The following ST7 variants were observed in gnomAD, a reference collection of about 807,000 sequenced individuals.
ST7 encodes suppression of tumorigenicity 7, also known as suppressor of tumorigenicity 7 protein.
A neutral mutation model predicts 78.7 loss-of-function variants in ST7; 28 were observed. That is an observed-to-expected ratio of 0.36 (90% CI 0.26 to 0.49). ST7 has a LOEUF of 0.49. Among genes scored for constraint, ST7 ranks in the 20% least tolerant of loss-of-function variants. The probability of loss-of-function intolerance (pLI) is 0.99; values close to 1 mark genes in which losing one functional copy is unlikely to be tolerated. For missense variants in ST7, 418 were observed against 696.0 expected, an observed-to-expected ratio of 0.60 and a Z score of 4.49; for synonymous variants, 247 against 249.6, an observed-to-expected ratio of 0.99 and a Z score of 0.10.
At chr7:117,102,254 C>T (rs1428879852) in intron 2 of ST7, among the ~76,000 whole-genome samples, 2 of 152,204 alleles carry the variant, frequency 1.3e-5, no homozygotes, top group African/African-American at 2.4e-5. Context: ...TTGGTCTTCA[C>T]ATTTGTCGGG....
intron 2 of ST7, among the ~76,000 whole-genome samples, chr7:117,117,143 C>T (rs531999321): frequency 1.9e-4 from 29 of 152,144 alleles, no homozygotes; most frequent in Non-Finnish European, 3.7e-4. Context: ...GTCATTGTAA[C>T]TTGATGGGTA....
intron 1 of ST7, among the ~76,000 whole-genome samples, chr7:117,059,939 C>T (rs1054123871): frequency 2.0e-5 from 3 of 152,008 alleles, no homozygotes; most frequent in Admixed American, 1.3e-4. Flanking sequence ...ACCAAGATCG[C>T]ACTACCCCAC....
chr7:117,009,251 T>G (rs1253954296), intron 1 of ST7, among the ~76,000 whole-genome samples: 3 of 28,578 alleles, frequency 1.0e-4, no homozygotes, highest in African/African-American at 1.4e-4. Flanking sequence ...TCTCCACTTT[T>G]TTTTTGTTTT....
At chr7:117,068,091 C>T (rs1798738562) in intron 1 of ST7, among the ~76,000 whole-genome samples, 1 of 152,106 alleles carries the variant, frequency 6.6e-6, no homozygotes, top group South Asian at 2.1e-4. Flanking sequence ...CTCTGGAAAC[C>T]TCAGTTATGC....
chr7:117,014,049 A>G (rs1795491271), intron 1 of ST7, among the ~76,000 whole-genome samples: 2 of 152,096 alleles, frequency 1.3e-5, no homozygotes, highest in South Asian at 4.1e-4. Flanking sequence ...CAAACACCCC[A>G]CTACTCCAGC....
At chr7:117,075,543 A>G (rs1050845190) in intron 1 of ST7, among the ~76,000 whole-genome samples, 5 of 152,226 alleles carry the variant, frequency 3.3e-5, no homozygotes, top group Admixed American at 2.6e-4. Flanking sequence ...GATGTCAGGA[A>G]GAAGTGAGAG....
At chr7:117,035,705 TC>T (rs1563030554) in intron 1 of ST7, among the ~76,000 whole-genome samples, 1 of 152,220 alleles carries the variant, frequency 6.6e-6, no homozygotes, top group Non-Finnish European at 1.5e-5. Flanking sequence ...TTTGGAATTT[TC>T]TCTACCTCAC....
intron 1 of ST7, among the ~76,000 whole-genome samples, chr7:117,063,561 T>C (rs946555669): frequency 7.8e-4 from 118 of 152,122 alleles, no homozygotes; most frequent in African/African-American, 2.8e-3. Flanking sequence ...ATCCAAAAAT[T>C]AGCTGGGTGT....
intron 13 of ST7, among the ~76,000 whole-genome samples, chr7:117,212,335 C>T (rs898979676): frequency 6.6e-6 from 1 of 152,188 alleles, no homozygotes; most frequent in Non-Finnish European, 1.5e-5. Flanking sequence ...CCTGTGGCCA[C>T]TGTTGGGGAG....
intron 1 of ST7, chr7:117,022,849 GC>G (rs1795992369): frequency 6.6e-6 from 1 of 152,100 alleles, no homozygotes; most frequent in Non-Finnish European, 1.5e-5. Flanking sequence ...GCAGTAAAAT[GC>G]TTAAGTCTAG....
At chr7:117,107,709 G>A (rs1802093786) in intron 2 of ST7, among the ~76,000 whole-genome samples, 1 of 149,850 alleles carries the variant, frequency 6.7e-6, no homozygotes, top group South Asian at 2.1e-4. Flanking sequence ...TGCCTCCTGG[G>A]TTCAAGCAAT....
intron 1 of ST7, among the ~76,000 whole-genome samples, chr7:117,046,141 C>T (rs969851645): frequency 1.3e-5 from 2 of 152,128 alleles, no homozygotes; most frequent in African/African-American, 4.8e-5. Context: ...AAGAGTCAGA[C>T]CCATATCTGT....
intron 15 of ST7, among the ~76,000 whole-genome samples, chr7:117,224,664 T>A (rs570318676): frequency 6.8e-4 from 103 of 152,286 alleles, no homozygotes; most frequent in Middle Eastern, 3.4e-3. Context: ...CAGTAGAGAT[T>A]CCCAGCCTCC....
chr7:117,151,117 G>A (rs67039230), intron 9 of ST7, among the ~76,000 whole-genome samples: 5 of 152,100 alleles, frequency 3.3e-5, no homozygotes, highest in East Asian at 3.9e-4. Context: ...TTCCACTGTC[G>A]CCTGTATAGA....
chr7:117,173,216 A>G (rs1442131293), intron 10 of ST7, among the ~76,000 whole-genome samples: 1 of 152,208 alleles, frequency 6.6e-6, no homozygotes, highest in East Asian at 1.9e-4. Context: ...ATTCATGGAA[A>G]AAGAGCCTCA....
At chr7:116,995,439 G>A (rs907861855) in intron 1 of ST7, among the ~76,000 whole-genome samples, 8 of 152,170 alleles carry the variant, frequency 5.3e-5, no homozygotes, top group African/African-American at 1.9e-4. Flanking sequence ...AATACCAAGT[G>A]AGGAGAATAA....
At chr7:116,994,368 A>G (rs1396847253) in intron 1 of ST7, among the ~76,000 whole-genome samples, 1 of 152,250 alleles carries the variant, frequency 6.6e-6, no homozygotes, top group Non-Finnish European at 1.5e-5. Context: ...ATTAATAAAT[A>G]AAAAATACTT....
At chr7:116,962,598 C>T (rs1792887715) in intron 1 of ST7, among the ~76,000 whole-genome samples, 1 of 152,162 alleles carries the variant, frequency 6.6e-6, no homozygotes, top group Admixed American at 6.6e-5. Flanking sequence ...TGAGAAGTGT[C>T]TGTTCATATC....
intron 12 of ST7, among the ~76,000 whole-genome samples, chr7:117,197,864 G>A (rs754045370): frequency 1.3e-5 from 2 of 152,206 alleles, no homozygotes; most frequent in South Asian, 2.1e-4. Flanking sequence ...CAGGAAGATC[G>A]CTTGAGTCTA....
Sources: allele counts gnomAD v4.1 joint callset (sites outside exome capture counted in the v4.1 genomes callset), GRCh38; gene constraint gnomAD v4.1.1; transcripts MANE v1.5; gene names NCBI Gene and HGNC (gene_info 2026-07-23, HGNC 2026-07-21).